Variants in PDGFA observed in about 807,000 individuals in gnomAD.
PDGFA encodes the protein platelet derived growth factor subunit A.
PDGFA carries 9 observed loss-of-function variants against 25.6 expected under a neutral mutation model. The ratio of observed to expected loss-of-function variants is 0.35; its 90% CI spans 0.21 to 0.61. PDGFA has a LOEUF of 0.61. Ranked by LOEUF, PDGFA falls within the 20% of genes least tolerant of loss-of-function variation. The probability of loss-of-function intolerance (pLI) is 0.75; values close to 1 mark genes in which losing one functional copy is unlikely to be tolerated. For missense variants in PDGFA, 242 were observed against 272.8 expected, an observed-to-expected ratio of 0.89 and a Z score of 0.79; for synonymous variants, 133 against 111.8, an observed-to-expected ratio of 1.19 and a Z score of -1.20.
rs753657106 is a variant in PDGFA, at chr7:512,305, A to AC, written c.265+45dup. 2.1e-5 allele frequency: 33 copies of AC among 1,550,198 alleles called. No homozygotes were observed. In the Admixed American group the frequency reaches 5.7e-4, roughly 27 times the overall value. Reference sequence around the variant, plus strand: ...CTGCCCATCGCGGCCTCCTGGACTCACCCTGACCCGGCCCTGCCCTGCCCA... The same window carrying AC: ...CTGCCCATCGCGGCCTCCTGGACTCACCCCTGACCCGGCCCTGCCCTGCCCA... On this transcript the variant is annotated intron_variant, in intron 3 of 5. Transcript: ENST00000402802.
intron 3 of PDGFA, among the ~76,000 whole-genome samples, chr7:511,932 T>C (rs907819247): frequency 6.6e-6 from 1 of 152,070 alleles, no homozygotes; most frequent in Non-Finnish European, 1.5e-5. Context: ...AGCACGCGCG[T>C]CCCCACCAGT....
chr7:508,208 G>T (rs954868334), intron 4 of PDGFA, among the ~76,000 whole-genome samples: 25 of 152,218 alleles, frequency 1.6e-4, no homozygotes, highest in Admixed American at 4.6e-4. Flanking sequence ...ACAGTGGGGG[G>T]CGGGGGTGTG....
chr7:517,341 C>A lies in PDGFA; in HGVS notation c.160+53G>T. On this transcript the variant is annotated intron_variant, in intron 2 of 5. Transcript: ENST00000402802. The surrounding 1 kb of genome is among the most constrained non-coding windows in gnomAD (Gnocchi z 7.4). ...CCGCCCGGCCCCAGCTCGGGGCGCACAGGCCGCCCGCCCGCGCCCTCCCCG... is the reference window on the plus strand; with the variant it reads ...CCGCCCGGCCCCAGCTCGGGGCGCAAAGGCCGCCCGCCCGCGCCCTCCCCG... 1.1e-6 allele frequency: 1 copy of A among 890,808 alleles called. No homozygotes were observed. The allele number at this position is 890,808 out of a possible 1,614,324, so 55.2% of individuals were successfully genotyped here.
intron 4 of PDGFA, among the ~76,000 whole-genome samples, chr7:509,142 C>A (rs1392476851): frequency 6.6e-6 from 1 of 152,200 alleles, no homozygotes; most frequent in South Asian, 2.1e-4. Flanking sequence ...CAAGTTCACC[C>A]GGGTGCTGTT....
intron 2 of PDGFA, among the ~76,000 whole-genome samples, chr7:515,788 G>C (rs1380621608): frequency 6.6e-6 from 1 of 151,994 alleles, no homozygotes; most frequent in African/African-American, 2.4e-5. Context: ...CGGACCCTAC[G>C]ACCTAGAAGC....
intron 4 of PDGFA, among the ~76,000 whole-genome samples, chr7:510,291 G>GTACC (rs1782741224): frequency 6.6e-6 from 1 of 152,022 alleles, no homozygotes; most frequent in African/African-American, 2.4e-5. Context: ...GGGCCTCAGT[G>GTACC]TACCTGCCAG....
Position 500,519 on chromosome 7 carries a change from G to C in PDGFA, c.580+597C>G. 6.2e-7 allele frequency: 1 copy of C among 1,613,872 alleles called. No individual in the cohort carries two copies. Among genetic ancestry groups the C allele is most frequent in the Non-Finnish European group, 8.5e-7 (1 of 1,179,996 alleles). ...GCCTTCCTGTTAACAAAAGGGCAGG[G>C]CGGTGAGTGGGCCGAGGGACGGCCG... On this transcript the variant is annotated intron_variant, in intron 5 of 5. Coordinates refer to ENST00000402802, the Ensembl canonical transcript of PDGFA. This position sits in a 1 kb window ranked among gnomAD's most constrained non-coding sequence, Gnocchi z 5.0.
rs1004240923 is a variant in PDGFA at position 517,119 on chromosome 7, G to T, written c.160+275C>A. Among the ~76,000 whole-genome samples, 1 of 151,592 alleles carries T rather than the reference G, an allele frequency of 6.6e-6. No homozygotes were observed. The highest frequency in any genetic ancestry group is 2.4e-5 in the African/African-American group (1 of 41,380). On this transcript the variant is annotated intron_variant, in intron 2 of 5. Transcript: ENST00000402802. The surrounding 1 kb of genome is among the most constrained non-coding windows in gnomAD (Gnocchi z 7.4). ...CAGGCGCGGGGCCCGCACACCTGGCGGAGGCCGCGGCTGAACTTTGTGTGA... is the reference window on the plus strand; with the variant it reads ...CAGGCGCGGGGCCCGCACACCTGGCTGAGGCCGCGGCTGAACTTTGTGTGA...
chr7:519,324 G>GGCCGCC (rs894699268), exon 1 of PDGFA: 2 of 307,418 alleles, frequency 6.5e-6, no homozygotes, highest in Non-Finnish European at 1.2e-5. Flanking sequence ...TCCCGGTGCT[G>GGCCGCC]GCCGCCGCCG....
Position 500,581 on chromosome 7 carries a change from A to G in PDGFA, c.580+535T>C. ...AACTGAAGCAACAAATACCTACGGC[A>G]TTTGTTTATCTTTCCAGAAGAGAAG... On this transcript the variant is annotated intron_variant, in intron 5 of 5. Transcript: ENST00000402802. This position sits in a 1 kb window ranked among gnomAD's most constrained non-coding sequence, Gnocchi z 5.0. 2 of 1,606,678 alleles carry G rather than the reference A, an allele frequency of 1.2e-6. No homozygotes were observed. The highest frequency in any genetic ancestry group is 8.5e-7 in the Non-Finnish European group (1 of 1,177,524).
intron 2 of PDGFA, among the ~76,000 whole-genome samples, chr7:516,782 G>A (rs908711216): frequency 2.0e-5 from 3 of 152,242 alleles, no homozygotes; most frequent in Admixed American, 6.5e-5. Flanking sequence ...CCCAGGGCCC[G>A]AGGGTGAGCC....
intron 4 of PDGFA, among the ~76,000 whole-genome samples, chr7:509,772 AG>A (rs1006610544): frequency 1.1e-4 from 16 of 152,254 alleles, no homozygotes; most frequent in African/African-American, 3.9e-4. Flanking sequence ...TTGGACTTCC[AG>A]CCTCCAGAAC....
chr7:518,470 G>C (rs1342534417), intron 1 of PDGFA: 2 of 154,488 alleles, frequency 1.3e-5, no homozygotes, highest in African/African-American at 4.8e-5. Context: ...GCCCCGCCGG[G>C]CTTGGGGACT....
intron 4 of PDGFA, among the ~76,000 whole-genome samples, chr7:505,073 C>T (rs556238720): frequency 3.0e-4 from 45 of 152,360 alleles, no homozygotes; most frequent in African/African-American, 9.9e-4. Flanking sequence ...CGGGCCGTTC[C>T]GCCACCTCTG....
intron 4 of PDGFA, 108 bp downstream of exon 4, chr7:510,701 T>TGGGTG: frequency 6.2e-6 from 2 of 324,554 alleles, no homozygotes; most frequent in Non-Finnish European, 1.1e-5. Flanking sequence ...GCCCCGGGCT[T>TGGGTG]GGGTGGGGAG....
At chr7:498,956 C>A (rs1274486831) in intron 5 of PDGFA, among the ~76,000 whole-genome samples, 1 of 152,176 alleles carries the variant, frequency 6.6e-6, no homozygotes, top group Non-Finnish European at 1.5e-5. Context: ...ATGAGACAAC[C>A]CTGAGGATGG....
rs776484345 is a variant in PDGFA at position 511,012 on chromosome 7, C to A, written c.266-16G>T. 2 of 1,607,064 alleles carry A rather than the reference C, an allele frequency of 1.2e-6. No homozygotes were observed. Among genetic ancestry groups the A allele is most frequent in the East Asian group, 4.5e-5 (2 of 44,732 alleles). On this transcript the variant is annotated splice_polypyrimidine_tract_variant and intron_variant, in intron 3 of 5. Transcript: ENST00000402802. The stretch of plus-strand genomic sequence containing the variant: ...ACAGCTTCCTCTGCAACGGCGGGGG[C>A]ACAGTGAGCGGGGACCGGCCTCTGC...
At chr7:512,129 G>A (rs9691299) in intron 3 of PDGFA, among the ~76,000 whole-genome samples, 2 of 152,090 alleles carry the variant, frequency 1.3e-5, no homozygotes, top group Admixed American at 6.5e-5. Context: ...GGCGGGCTGG[G>A]GCAGGAGACA....
At chr7:516,836 T>C (rs921522980) in intron 2 of PDGFA, among the ~76,000 whole-genome samples, 9 of 152,262 alleles carry the variant, frequency 5.9e-5, no homozygotes, top group South Asian at 2.1e-4. Flanking sequence ...AGGCTTTTCA[T>C]TGGGTCGTGA....
Sources: gnomAD v4.1 joint callset for allele counts (sites outside exome capture counted in the v4.1 genomes callset) on GRCh38, gnomAD v4.1.1 for gene constraint, Gnocchi (gnomAD v3.1) non-coding constraint, MANE v1.5 for transcripts, NCBI Gene and HGNC (gene_info 2026-07-23, HGNC 2026-07-21) for gene names.